The following UNC13C variants were observed in gnomAD, a reference collection of about 807,000 sequenced individuals.
UNC13C encodes unc-13 homolog C, also known as protein unc-13 homolog C.
Under a neutral mutation model 245.4 loss-of-function variants are expected in UNC13C, and 174 were observed. That is an observed-to-expected ratio of 0.71 (90% CI 0.63 to 0.80). The LOEUF (loss-of-function observed/expected upper bound fraction) is 0.80, where lower values mean the gene tolerates loss of function less well. UNC13C is among the 30% of genes least tolerant of loss of function. The probability of loss-of-function intolerance (pLI) is 0.00; values close to 1 mark genes in which losing one functional copy is unlikely to be tolerated. For synonymous variants in UNC13C, 992 were observed against 895.1 expected (o/e 1.11, Z -1.93); for missense variants, 2,829 against 2,602.9 (o/e 1.09, Z -1.89).
At chr15:53,873,139 T>TC in the UNC13C span, among the ~76,000 whole-genome samples, 2 of 89,054 alleles carry the variant, frequency 2.2e-5, no homozygotes, top group African/African-American at 8.1e-5. Context: ...AGGGACACGT[T>TC]TTTTTTTTTA....
chr15:54,375,459 C>A (rs140945083), intron 17 of UNC13C, among the ~76,000 whole-genome samples: 1 of 151,926 alleles, frequency 6.6e-6, no homozygotes, highest in African/African-American at 2.4e-5. Flanking sequence ...CAACGGAGTA[C>A]GGCAAAAACC....
intron 1 of UNC13C, among the ~76,000 whole-genome samples, chr15:53,983,427 C>A (rs1894005559): frequency 6.6e-6 from 1 of 151,804 alleles, no homozygotes; most frequent in Admixed American, 6.6e-5. Flanking sequence ...TTCCTTGTCA[C>A]TTTCAAAGAA....
chr15:54,430,428 T>G (rs918497293), intron 19 of UNC13C, among the ~76,000 whole-genome samples: 2 of 151,754 alleles, frequency 1.3e-5, no homozygotes, highest in African/African-American at 2.4e-5. Flanking sequence ...TCTTTCGTAT[T>G]GAATTTTGCC....
chr15:54,593,137 C>T (rs140262089), intron 30 of UNC13C, among the ~76,000 whole-genome samples: 1 of 152,278 alleles, frequency 6.6e-6, no homozygotes, highest in Non-Finnish European at 1.5e-5. Flanking sequence ...GATAAGGGCC[C>T]AATCCCTTTT....
chr15:54,043,686 A>G (rs1281647985), intron 2 of UNC13C, among the ~76,000 whole-genome samples: 1 of 152,162 alleles, frequency 6.6e-6, no homozygotes, highest in Non-Finnish European at 1.5e-5. Flanking sequence ...TGTGTAGACA[A>G]CCAGAACTTG....
At chr15:54,383,456 T>C (rs2039770910) in intron 17 of UNC13C, among the ~76,000 whole-genome samples, 1 of 152,110 alleles carries the variant, frequency 6.6e-6, no homozygotes, top group Non-Finnish European at 1.5e-5. Flanking sequence ...TCACAATAGA[T>C]GCAGGAAAAT....
chr15:54,620,525 G>A (rs753303083), intron 30 of UNC13C, among the ~76,000 whole-genome samples: 2 of 151,982 alleles, frequency 1.3e-5, no homozygotes, highest in African/African-American at 2.4e-5. Flanking sequence ...TTAGTTACTC[G>A]TGCTGCGAGA....
chr15:54,433,484 A>G (rs2040914047), intron 19 of UNC13C, among the ~76,000 whole-genome samples: 1 of 152,170 alleles, frequency 6.6e-6, no homozygotes, highest in South Asian at 2.1e-4. Context: ...GACAAAAACC[A>G]CACAATTATC....
chr15:53,889,876 A>G, the UNC13C span, among the ~76,000 whole-genome samples: 1 of 152,294 alleles, frequency 6.6e-6, no homozygotes, highest in South Asian at 2.1e-4. Flanking sequence ...CATATGTTGA[A>G]CCAGCCTTGT....
chr15:54,257,049 A>T (rs980017044), intron 8 of UNC13C, among the ~76,000 whole-genome samples: 1 of 152,252 alleles, frequency 6.6e-6, no homozygotes, highest in Non-Finnish European at 1.5e-5. Flanking sequence ...TAGTTGTGTT[A>T]GCAAAGTTCC....
chr15:54,268,995 C>G (rs555900316), intron 10 of UNC13C, among the ~76,000 whole-genome samples: 2 of 151,156 alleles, frequency 1.3e-5, no homozygotes, highest in East Asian at 3.9e-4. Context: ...TCAATTCTGT[C>G]TTTCAACTCA....
In UNC13C at chr15:54,142,023, C is replaced by G. The variant is rs1353068037; in HGVS notation, c.2984-995C>G. Among the ~76,000 whole-genome samples, 8 of 152,286 alleles carry G rather than the reference C, an allele frequency of 5.3e-5. No homozygotes were observed. The East Asian group carries it at 1.5e-3, about 29-fold the overall frequency. On this transcript the variant is annotated intron_variant, in intron 2 of 32. Coordinates refer to ENST00000260323, the MANE Select transcript of UNC13C (RefSeq NM_001080534.3). ...ATTTGAACTAAGTAAACTCCAGTGT[C>G]ACTCCAGCTCTAGCATTTTGCCAAC... is the stretch of plus-strand genomic sequence containing the variant.
intron 19 of UNC13C, among the ~76,000 whole-genome samples, chr15:54,482,552 G>A (rs1276657330): frequency 2.9e-5 from 4 of 139,854 alleles, no homozygotes; most frequent in Non-Finnish European, 6.3e-5. Context: ...GATCCTGAGG[G>A]GCCAGCTACT....
intron 4 of UNC13C, among the ~76,000 whole-genome samples, chr15:54,172,178 T>G (rs900828241): frequency 2.0e-5 from 3 of 151,954 alleles, no homozygotes; most frequent in Non-Finnish European, 4.4e-5. Context: ...AGGAATAAGA[T>G]GTAGTATTTG....
In UNC13C at chr15:54,388,492, A is replaced by G. The variant is rs984852273; in HGVS notation, c.4714-4556A>G. Among the ~76,000 whole-genome samples, 3 of 152,174 alleles carry G rather than the reference A, an allele frequency of 2.0e-5. No homozygotes were observed. In the South Asian group the frequency reaches 6.2e-4, roughly 32 times the overall value. Reference sequence around the variant, plus strand: ...AATTTCAAACTTTTACTACCCCACCAGTACACTGTGCACCACCTCTTCTCT... The same window carrying G: ...AATTTCAAACTTTTACTACCCCACCGGTACACTGTGCACCACCTCTTCTCT... On this transcript the variant is annotated intron_variant, in intron 17 of 32. Transcript: ENST00000260323.
At chr15:54,409,271 ATG>A (rs2040369738) in intron 18 of UNC13C, among the ~76,000 whole-genome samples, 1 of 151,258 alleles carries the variant, frequency 6.6e-6, no homozygotes, top group Non-Finnish European at 1.5e-5. Flanking sequence ...TGTTAATAAT[ATG>A]TTCCTTTTAT....
intron 18 of UNC13C, among the ~76,000 whole-genome samples, chr15:54,400,361 C>A (rs968562372): frequency 2.6e-5 from 4 of 151,860 alleles, no homozygotes; most frequent in Admixed American, 2.0e-4. Flanking sequence ...CTAGTTAAGT[C>A]CCCCCTCCCT....
chr15:53,963,308 T>A, the UNC13C span, among the ~76,000 whole-genome samples: 1 of 152,052 alleles, frequency 6.6e-6, no homozygotes, highest in African/African-American at 2.4e-5. Flanking sequence ...ACTGAGACTT[T>A]TGTTATAAAA....
chr15:53,842,425 G>A, the UNC13C span, among the ~76,000 whole-genome samples: 1 of 152,256 alleles, frequency 6.6e-6, no homozygotes, highest in South Asian at 2.1e-4. Flanking sequence ...AGATAGGGCT[G>A]ACAATGTCCT....
Sources: allele counts gnomAD v4.1 joint callset (sites outside exome capture counted in the v4.1 genomes callset), GRCh38; gene constraint gnomAD v4.1.1; transcripts MANE v1.5; gene names NCBI Gene and HGNC (gene_info 2026-07-23, HGNC 2026-07-21).